Variants in KCNN2 observed in about 807,000 individuals in gnomAD.
The protein encoded by KCNN2 is potassium calcium-activated channel subfamily N member 2, also known as small conductance calcium-activated potassium channel protein 2.
A neutral mutation model predicts 55.5 loss-of-function variants in KCNN2; 24 were observed. The ratio of observed to expected loss-of-function variants is 0.43; its 90% CI spans 0.31 to 0.61. KCNN2 has a LOEUF of 0.61. Among genes scored for constraint, KCNN2 ranks in the 20% least tolerant of loss-of-function variants. The pLI is 0.08. For missense variants in KCNN2, 754 were observed against 853.6 expected, an observed-to-expected ratio of 0.88 and a Z score of 1.45; for synonymous variants, 431 against 336.1, an observed-to-expected ratio of 1.28 and a Z score of -3.09.
rs1750847053 is a variant in KCNN2 at position 114,082,465 on chromosome 5, T to C, written c.-271+25965T>C. Among the ~76,000 whole-genome samples the C allele has an allele frequency of 2.0e-5, 3 of 152,120 alleles. No homozygotes were observed. The South Asian group carries it at 6.2e-4, about 32-fold the overall frequency. On this transcript the variant is annotated intron_variant, in intron 1 of 10. Transcript: ENST00000512097. Reference sequence around the variant, plus strand: ...AAGTGTTGACATAGATGTTGAGAAATAGGAACTCTTCTGCAGTGTTGGTGG... The same window carrying C: ...AAGTGTTGACATAGATGTTGAGAAACAGGAACTCTTCTGCAGTGTTGGTGG...
intron 1 of KCNN2, among the ~76,000 whole-genome samples, chr5:114,130,367 G>A (rs888811382): frequency 1.3e-5 from 2 of 152,160 alleles, no homozygotes; most frequent in African/African-American, 2.4e-5. Flanking sequence ...GGTCCAAAAT[G>A]TGGCTCATGC....
intron 1 of KCNN2, among the ~76,000 whole-genome samples, chr5:114,064,935 A>G (rs759127075): frequency 2.0e-5 from 3 of 152,192 alleles, no homozygotes; most frequent in Admixed American, 6.5e-5. Context: ...CCAAGGCACA[A>G]TGCTTAGGGT....
intron 2 of KCNN2, among the ~76,000 whole-genome samples, chr5:114,274,197 A>G (rs1349324729): frequency 6.6e-6 from 1 of 151,980 alleles, no homozygotes; most frequent in Admixed American, 6.6e-5. Context: ...CCATTGGTCT[A>G]TATATCTGTT....
At chr5:114,159,996 T>C (rs1255907341) in intron 1 of KCNN2, among the ~76,000 whole-genome samples, 1 of 152,220 alleles carries the variant, frequency 6.6e-6, no homozygotes, top group East Asian at 1.9e-4. Flanking sequence ...TTTGTGTCTC[T>C]GTTTCCTTCA....
chr5:114,187,671 A>T (rs1753365346), intron 1 of KCNN2, among the ~76,000 whole-genome samples: 1 of 150,500 alleles, frequency 6.6e-6, no homozygotes, highest in Non-Finnish European at 1.5e-5. Flanking sequence ...GCACCCGGCT[A>T]ATTTTTTTAT....
intron 2 of KCNN2, among the ~76,000 whole-genome samples, chr5:114,240,879 G>T (rs1010792618): frequency 6.6e-6 from 1 of 151,848 alleles, no homozygotes; most frequent in Non-Finnish European, 1.5e-5. Flanking sequence ...TATGTGAAAA[G>T]AATTTAAAAA....
At chr5:114,254,688 C>A (rs1216228933) in intron 2 of KCNN2, among the ~76,000 whole-genome samples, 1 of 152,056 alleles carries the variant, frequency 6.6e-6, no homozygotes, top group Admixed American at 6.6e-5. Context: ...TTGGATTAAG[C>A]CTTTTCTTTA....
In KCNN2 at chr5:114,215,596, G is replaced by A. The variant is rs546321033; in HGVS notation, c.-270-5884G>A. 1.8e-4 allele frequency among the ~76,000 whole-genome samples: 27 copies of A among 152,010 alleles called. No individual in the cohort carries two copies. In the East Asian group the frequency reaches 3.9e-3, roughly 22 times the overall value. ...AAGACATAAAATTATGCTACAAATC[G>A]GACACCCCTTTTGCATTCCCTCCTT... is the stretch of plus-strand genomic sequence containing the variant. On this transcript the variant is annotated intron_variant, in intron 1 of 10. Coordinates refer to the KCNN2 transcript ENST00000512097.
chr5:114,135,248 G>C (rs1338787063), intron 1 of KCNN2, among the ~76,000 whole-genome samples: 1 of 152,070 alleles, frequency 6.6e-6, no homozygotes, highest in Non-Finnish European at 1.5e-5. Flanking sequence ...AAAAACAAGA[G>C]AATTGGACGC....
intron 2 of KCNN2, among the ~76,000 whole-genome samples, chr5:114,302,756 A>C (rs1292908461): frequency 6.6e-6 from 1 of 152,150 alleles, no homozygotes. Context: ...AACAGTTTAC[A>C]ACCAGGCCTG....
intron 1 of KCNN2, among the ~76,000 whole-genome samples, chr5:114,203,030 A>G (rs2112574208): frequency 6.6e-6 from 1 of 152,280 alleles, no homozygotes; most frequent in South Asian, 2.1e-4. Flanking sequence ...AGAAATTCCA[A>G]TTTTGGCTGT....
At chr5:114,124,736 G>A (rs1751896794) in intron 1 of KCNN2, among the ~76,000 whole-genome samples, 1 of 152,066 alleles carries the variant, frequency 6.6e-6, no homozygotes, top group East Asian at 1.9e-4. Context: ...AATTTACACT[G>A]TTTGCCTTCT....
At chr5:114,225,271 C>A (rs1287260990) in intron 2 of KCNN2, among the ~76,000 whole-genome samples, 1 of 152,046 alleles carries the variant, frequency 6.6e-6, no homozygotes, top group Non-Finnish European at 1.5e-5. Flanking sequence ...AAAATAGACA[C>A]AACTGATGAG....
chr5:114,471,227 C>A (rs1335381675), intron 4 of KCNN2, among the ~76,000 whole-genome samples: 1 of 152,144 alleles, frequency 6.6e-6, no homozygotes, highest in Non-Finnish European at 1.5e-5. Context: ...GCCATGAATA[C>A]CAAAATTCAC....
chr5:114,396,825 G>A (rs952529518), intron 2 of KCNN2, among the ~76,000 whole-genome samples: 64 of 152,090 alleles, frequency 4.2e-4, no homozygotes, highest in African/African-American at 1.4e-3. Context: ...GGTTACAGGC[G>A]TGAGCCACCA....
At chr5:114,286,434 T>C (rs1453663419) in intron 2 of KCNN2, among the ~76,000 whole-genome samples, 1 of 151,976 alleles carries the variant, frequency 6.6e-6, no homozygotes, top group Non-Finnish European at 1.5e-5. Context: ...AAAGTAGAAG[T>C]TGAAACCAAG....
chr5:114,056,336 C>T (rs1750206380), exon 1 of KCNN2: 2 of 398,626 alleles, frequency 5.0e-6, no homozygotes, highest in Non-Finnish European at 8.8e-6. Flanking sequence ...GCTAGGACTC[C>T]TGATTCTTCT....
rs761300611 is a variant in KCNN2, at chr5:114,362,797, G to C, written c.658G>C (p.Gly220Arg). 6.3e-7 allele frequency: 1 copy of C among 1,595,780 alleles called. No homozygotes were observed. Among genetic ancestry groups the C allele is most frequent in the Non-Finnish European group, 8.5e-7 (1 of 1,176,374 alleles). The part of the protein sequence containing the change: ...EIAMSSCRYN[G>R]GVMRPLSNLS... ...AGCCATGAGCAGCTGCAGGTACAAC[G>C]GGGGCGTCATGCGGCCGCTCAGCAA... Residue 220 changes from glycine (G) to arginine (R), a missense_variant, in exon 1 of 8, where the codon GGG (glycine) becomes CGG (arginine). Around this residue, in one of 4 missense-constraint regions of KCNN2, gnomAD observed 381 missense variants for 259.1 expected, o/e 1.47. Transcript: ENST00000673685.
chr5:114,373,558 C>G (rs1427586392), intron 2 of KCNN2, among the ~76,000 whole-genome samples: 1 of 145,952 alleles, frequency 6.9e-6, no homozygotes, highest in African/African-American at 2.5e-5. Flanking sequence ...GGACAGGTTA[C>G]TTAATCTCTC....
Sources: gnomAD v4.1 joint callset for allele counts (sites outside exome capture counted in the v4.1 genomes callset) on GRCh38, gnomAD v4.1.1 for gene constraint, gnomAD v4.1.1 regional missense constraint, MANE v1.5 for transcripts, NCBI Gene and HGNC (gene_info 2026-07-23, HGNC 2026-07-21) for gene names.